The following PTPRA variants were observed in gnomAD, a reference collection of about 807,000 sequenced individuals.
PTPRA encodes protein tyrosine phosphatase receptor type A.
A neutral mutation model predicts 104.8 loss-of-function variants in PTPRA; 25 were observed. That is an observed-to-expected ratio of 0.24 (90% CI 0.17 to 0.33). The LOEUF is 0.33. Ranked by LOEUF, PTPRA falls within the 10% of genes least tolerant of loss-of-function variation. PTPRA has a pLI of 1.00. For missense variants in PTPRA, 765 were observed against 1,015.3 expected (o/e 0.75, Z 3.35); for synonymous variants, 323 against 368.9 (o/e 0.88, Z 1.43).
intron 2 of PTPRA, among the ~76,000 whole-genome samples, chr20:2,937,036 C>T (rs1203408406): frequency 6.6e-6 from 1 of 151,632 alleles, no homozygotes. Context: ...TAACTTATTA[C>T]AGTCTATTAA....
At chr20:2,965,242 T>C in intron 5 of PTPRA, 40 bp downstream of exon 5, 5 of 1,503,734 alleles carry the variant, frequency 3.3e-6, no homozygotes, top group Admixed American at 2.0e-5. Flanking sequence ...GCTCTTTGAG[T>C]TTAGTCTTCC....
At position 3,038,125 on chromosome 20, in the gene PTPRA, T is replaced by C. The variant is rs2065894525; in HGVS notation, c.2401T>C (p.Phe801Leu). Residue 801 changes from phenylalanine to leucine, a missense_variant, in exon 24 of 24, where the codon TTC becomes CTC. Around this residue, in one of 4 missense-constraint regions of PTPRA, gnomAD observed 72 missense variants for 140.7 expected, o/e 0.51. Transcript: ENST00000399903. ...YIDAFSDYANFK is the reference protein window; with the variant it reads ...YIDAFSDYANLK ...TGATGCATTCTCAGATTATGCCAAC[T>C]TCAAGTAAGCGGCAACAAGGGTCCG... is the stretch of plus-strand genomic sequence containing the variant. 1 of 1,610,556 alleles carries C rather than the reference T, an allele frequency of 6.2e-7. No individual in the cohort carries two copies. The highest frequency in any genetic ancestry group is 1.3e-5 in the African/African-American group (1 of 74,856).
At position 2,873,624 on chromosome 20, in the gene PTPRA, C is replaced by T. The variant is rs1337835036; in HGVS notation, c.-265C>T. ...CTTCCCCTCGCCATGGAGGCGAGGC[C>T]GCCGCCGCCGCCGCGGGGCTCGGAG... On this transcript the variant is annotated 5_prime_UTR_variant, in exon 1 of 24. Coordinates refer to ENST00000399903, the MANE Select transcript of PTPRA (RefSeq NM_001385305.1). The surrounding 1 kb of genome is among the most constrained non-coding windows in gnomAD (Gnocchi z 4.4). The T allele has an allele frequency of 2.0e-5, 3 of 150,342 alleles. No homozygotes were observed. Among genetic ancestry groups the T allele is most frequent in the African/African-American group, 7.3e-5 (3 of 41,224 alleles). The allele number at this position is 150,342 out of a possible 1,614,324, so 9.3% of individuals were successfully genotyped here.
At chr20:2,914,355 T>C (rs1002401182) in intron 1 of PTPRA, among the ~76,000 whole-genome samples, 4 of 152,102 alleles carry the variant, frequency 2.6e-5, no homozygotes, top group African/African-American at 9.7e-5. Context: ...TCCTAGACTT[T>C]CTCAGCAGAC....
At chr20:3,005,378 A>G (rs1353332353) in intron 10 of PTPRA, among the ~76,000 whole-genome samples, 1 of 151,972 alleles carries the variant, frequency 6.6e-6, no homozygotes, top group Non-Finnish European at 1.5e-5. Flanking sequence ...GTGAGACCTC[A>G]TCTCTACAAA....
At chr20:3,001,228 G>A (rs1011150243) in intron 9 of PTPRA, among the ~76,000 whole-genome samples, 1 of 152,194 alleles carries the variant, frequency 6.6e-6, no homozygotes, top group Non-Finnish European at 1.5e-5. Context: ...CATCCGTGAC[G>A]CAGGCTCTTC....
intron 20 of PTPRA, among the ~76,000 whole-genome samples, chr20:3,032,568 C>T (rs190075012): frequency 2.0e-5 from 3 of 150,796 alleles, no homozygotes; most frequent in Non-Finnish European, 4.5e-5. Flanking sequence ...GAGATCGAGA[C>T]CAGCCTGGCC....
At chr20:3,008,728 TAAAAAAAAAAAAAAAACAA>T (rs1287625717) in intron 11 of PTPRA, among the ~76,000 whole-genome samples, 1 of 63,670 alleles carries the variant, frequency 1.6e-5, no homozygotes, top group Non-Finnish European at 3.4e-5. Context: ...TCATCTCTAC[TAAAAAAAAAAAAAAAACAA>T]AAAAAAAAAA....
At chr20:2,878,137 G>A (rs1010731594) in intron 1 of PTPRA, among the ~76,000 whole-genome samples, 2 of 147,470 alleles carry the variant, frequency 1.4e-5, no homozygotes, top group African/African-American at 2.7e-5. Context: ...GCGACAGAGC[G>A]AGACTCCGTC....
intron 1 of PTPRA, among the ~76,000 whole-genome samples, chr20:2,909,572 T>TC (rs1342272352): frequency 6.6e-6 from 1 of 151,270 alleles, no homozygotes; most frequent in East Asian, 1.9e-4. Flanking sequence ...AGAGTGAGAC[T>TC]CCATCTCCAA....
In PTPRA at chr20:2,957,240, G is replaced by A. The variant is rs181814209; in HGVS notation, c.-6-7032G>A. On this transcript the variant is annotated intron_variant, in intron 3 of 23. Coordinates refer to ENST00000399903, the MANE Select transcript of PTPRA (RefSeq NM_001385305.1). ...GCGGAGCTTGCACTGAGCCGAGATC[G>A]CGCCACAACATTCGAGCCTGGGCGA... 1.6e-4 allele frequency among the ~76,000 whole-genome samples: 25 copies of A among 152,240 alleles called. No homozygotes were observed. The East Asian group carries it at 2.3e-3, about 14-fold the overall frequency.
chr20:2,901,176 G>A (rs1467595684), intron 1 of PTPRA, among the ~76,000 whole-genome samples: 2 of 151,974 alleles, frequency 1.3e-5, no homozygotes. Flanking sequence ...TCACCATCTT[G>A]GCCAGACTGG....
At chr20:2,979,260 T>C (rs35917867) in intron 6 of PTPRA, among the ~76,000 whole-genome samples, 1,961 of 152,312 alleles carry the variant, frequency 0.013, 24 homozygotes, top group South Asian at 0.041. Context: ...TTTTTGTCAA[T>C]ATTACTCCAC....
chr20:2,951,869 G>A (rs766545851), intron 3 of PTPRA, among the ~76,000 whole-genome samples: 7 of 152,070 alleles, frequency 4.6e-5, no homozygotes, highest in African/African-American at 1.4e-4. Flanking sequence ...GGCTGGGCGC[G>A]GTGGCTCATG....
At chr20:2,876,996 G>A (rs1468742403) in intron 1 of PTPRA, among the ~76,000 whole-genome samples, 1 of 152,166 alleles carries the variant, frequency 6.6e-6, no homozygotes, top group Non-Finnish European at 1.5e-5. Context: ...TGATCAGTGC[G>A]GGTGGTGGTG....
intron 1 of PTPRA, among the ~76,000 whole-genome samples, chr20:2,888,284 G>A (rs1217350090): frequency 6.6e-6 from 1 of 152,172 alleles, no homozygotes; most frequent in African/African-American, 2.4e-5. Context: ...TTCAGGCTAG[G>A]TGTGGTGGCT....
chr20:2,936,035 C>T (rs371663646), intron 2 of PTPRA, among the ~76,000 whole-genome samples: 10 of 150,766 alleles, frequency 6.6e-5, no homozygotes, highest in South Asian at 4.2e-4. Flanking sequence ...AAAAAAAAAT[C>T]GTTTGTAGAG....
chr20:2,882,912 A>G (rs2090139531), intron 1 of PTPRA, among the ~76,000 whole-genome samples: 1 of 150,258 alleles, frequency 6.7e-6, no homozygotes, highest in Non-Finnish European at 1.5e-5. Context: ...ACTTTTTGTT[A>G]TGGTAAGTGG....
rs1186662437 is a variant in PTPRA at position 3,027,215 on chromosome 20, C to T, written c.1785+18C>T. The stretch of plus-strand genomic sequence containing the variant: ...TTATTGATGTAAGTGGTGGGTGTGA[C>T]CCCTGAGCCCCCAACACCCCGTGGA... On this transcript the variant is annotated intron_variant, in intron 19 of 23. Transcript: ENST00000399903. The T allele has an allele frequency of 6.2e-7, 1 of 1,608,794 alleles. No homozygotes were observed. The highest frequency in any genetic ancestry group is 8.5e-7 in the Non-Finnish European group (1 of 1,175,204).
Sources: gnomAD v4.1 joint callset for allele counts (sites outside exome capture counted in the v4.1 genomes callset) on GRCh38, gnomAD v4.1.1 for gene constraint, gnomAD v4.1.1 regional missense constraint, Gnocchi (gnomAD v3.1) non-coding constraint, MANE v1.5 for transcripts, NCBI Gene and HGNC (gene_info 2026-07-23, HGNC 2026-07-21) for gene names.